RUNX1T1: variants seen among roughly 807,000 people sequenced by gnomAD.
RUNX1T1 encodes the protein protein CBFA2T1.
A neutral mutation model predicts 62.8 loss-of-function variants in RUNX1T1; 4 were observed. That is an observed-to-expected ratio of 0.06 (90% CI 0.03 to 0.15). The LOEUF is 0.15. RUNX1T1 is among the 10% of genes least tolerant of loss of function. The probability of loss-of-function intolerance (pLI) is 1.00; values close to 1 mark genes in which losing one functional copy is unlikely to be tolerated. For missense variants in RUNX1T1, 508 were observed against 754.3 expected, an observed-to-expected ratio of 0.67 and a Z score of 3.82; for synonymous variants, 291 against 286.0, an observed-to-expected ratio of 1.02 and a Z score of -0.18.
At chr8:92,085,570 T>G (rs2130855881) in intron 1 of RUNX1T1, among the ~76,000 whole-genome samples, 1 of 152,350 alleles carries the variant, frequency 6.6e-6, no homozygotes, top group East Asian at 1.9e-4. Flanking sequence ...CAAGCATAAT[T>G]CACTACAGAG....
intron 2 of RUNX1T1, among the ~76,000 whole-genome samples, chr8:92,015,451 G>A (rs370913418): frequency 3.9e-5 from 6 of 152,066 alleles, no homozygotes; most frequent in South Asian, 2.1e-4. Flanking sequence ...GTTACTTCAA[G>A]AAATCAAAAA....
upstream of RUNX1T1, among the ~76,000 whole-genome samples, chr8:92,064,906 C>T (rs1587425983): frequency 6.6e-6 from 1 of 152,116 alleles, no homozygotes; most frequent in African/African-American, 2.4e-5. Flanking sequence ...TATCTGACTA[C>T]AGTAATTGCC....
At chr8:91,987,786 A>C (rs1314470745) in intron 6 of RUNX1T1, among the ~76,000 whole-genome samples, 1 of 152,174 alleles carries the variant, frequency 6.6e-6, no homozygotes, top group Non-Finnish European at 1.5e-5. Flanking sequence ...AAAGGCTCCG[A>C]ACAGAGAAAT....
At chr8:92,025,000 G>A (rs570491897) in intron 1 of RUNX1T1, among the ~76,000 whole-genome samples, 2 of 152,280 alleles carry the variant, frequency 1.3e-5, no homozygotes, top group East Asian at 3.9e-4. Context: ...TACATGGTAA[G>A]CACTCCGGAA....
chr8:91,963,506 C>T (rs890399727), intron 10 of RUNX1T1, among the ~76,000 whole-genome samples: 1 of 152,188 alleles, frequency 6.6e-6, no homozygotes, highest in Admixed American at 6.5e-5. Context: ...ATATATTTCT[C>T]TTGGATGCTC....
chr8:92,004,160 G>A (rs538534542), intron 5 of RUNX1T1, among the ~76,000 whole-genome samples: 93 of 152,280 alleles, frequency 6.1e-4, no homozygotes, highest in Non-Finnish European at 1.1e-3. Context: ...CTATGAATGT[G>A]GAACATAACT....
intron 1 of RUNX1T1, among the ~76,000 whole-genome samples, chr8:92,021,804 T>G (rs1167029717): frequency 6.6e-6 from 1 of 151,740 alleles, no homozygotes; most frequent in Non-Finnish European, 1.5e-5. Context: ...AACTCCATGA[T>G]CCATTCCTGA....
At chr8:92,100,840 T>G (rs1838002469), upstream of RUNX1T1, among the ~76,000 whole-genome samples, 1 of 152,252 alleles carries the variant, frequency 6.6e-6, no homozygotes. Flanking sequence ...ACATCACAGC[T>G]GACATAAACA....
At chr8:92,003,270 A>T in intron 5 of RUNX1T1, 1 of 433,472 alleles carries the variant, frequency 2.3e-6, no homozygotes, top group South Asian at 1.6e-5. Flanking sequence ...TGAAGTTTTC[A>T]TATCAGTGTT....
At chr8:91,993,901 A>T (rs1288882399) in intron 5 of RUNX1T1, among the ~76,000 whole-genome samples, 1 of 152,152 alleles carries the variant, frequency 6.6e-6, no homozygotes, top group East Asian at 1.9e-4. Flanking sequence ...CTGAGGCAGG[A>T]GAATCACTTG....
intron 1 of RUNX1T1, among the ~76,000 whole-genome samples, chr8:92,018,387 G>T (rs1246489173): frequency 6.6e-6 from 1 of 152,200 alleles, no homozygotes; most frequent in Non-Finnish European, 1.5e-5. Context: ...AAGAGCATTT[G>T]CACGATGAGC....
chr8:92,016,621 G>A (rs1475811092), intron 2 of RUNX1T1, among the ~76,000 whole-genome samples: 1 of 152,116 alleles, frequency 6.6e-6, no homozygotes, highest in Admixed American at 6.5e-5. Context: ...GTTGCAGTGA[G>A]CTGAGATCGT....
rs116390703 is a variant in RUNX1T1 at position 92,005,370 on chromosome 8, C to T, written c.478-73G>A. ...TGTCCTGTTGACTTACTCTGCTTTT[C>T]GAACACTGGAGAAGAGTATGCAATG... On this transcript the variant is annotated intron_variant, in intron 4 of 10. Transcript: ENST00000396218. The T allele has an allele frequency of 1.3e-3, 1,781 of 1,370,184 alleles. 19 individuals carry two copies. The African/African-American group carries it at 0.022, about 17-fold the overall frequency. 84.9% of individuals were successfully genotyped at this position (1,370,184 alleles called of 1,614,324 possible). A position where few individuals can be genotyped will look rare whatever the true frequency, so the allele number is the denominator to read the frequency against.
At chr8:92,095,414 A>G in intron 1 of RUNX1T1, 1 of 1,535,610 alleles carries the variant, frequency 6.5e-7, no homozygotes. Flanking sequence ...CTTTGTATTC[A>G]TTAAACACAC....
chr8:92,000,426 C>T (rs1428451662), intron 5 of RUNX1T1, among the ~76,000 whole-genome samples: 1 of 152,096 alleles, frequency 6.6e-6, no homozygotes, highest in East Asian at 1.9e-4. Context: ...ATAATAGATG[C>T]AACACAAACT....
chr8:92,060,553 A>ATATATATATATATG, intron 1 of RUNX1T1, among the ~76,000 whole-genome samples: 9 of 63,970 alleles, frequency 1.4e-4, no homozygotes, highest in African/African-American at 2.9e-4. Context: ...ATATATATAT[A>ATATATATATATATG]TGTGTGTGTG....
intron 1 of RUNX1T1, among the ~76,000 whole-genome samples, chr8:92,091,110 T>C (rs1447061288): frequency 1.3e-5 from 2 of 152,096 alleles, no homozygotes; most frequent in African/African-American, 4.8e-5. Flanking sequence ...CACTTAGAGG[T>C]GCTTAGATTG....
At chr8:91,975,020 A>G (rs755408746) in intron 9 of RUNX1T1, among the ~76,000 whole-genome samples, 3 of 152,250 alleles carry the variant, frequency 2.0e-5, no homozygotes, top group Non-Finnish European at 4.4e-5. Flanking sequence ...CACTGTTTGT[A>G]GAAGTAGCAT....
At chr8:92,024,012 A>G (rs1824631805) in intron 1 of RUNX1T1, among the ~76,000 whole-genome samples, 1 of 152,190 alleles carries the variant, frequency 6.6e-6, no homozygotes, top group South Asian at 2.1e-4. Flanking sequence ...AAAAAAGCAA[A>G]GAGAAGTAAT....
Sources: gnomAD v4.1 joint callset for allele counts (sites outside exome capture counted in the v4.1 genomes callset) on GRCh38, gnomAD v4.1.1 for gene constraint, MANE v1.5 for transcripts, NCBI Gene and HGNC (gene_info 2026-07-23, HGNC 2026-07-21) for gene names.